The following CTNNA3 variants were observed in gnomAD, a reference collection of about 807,000 sequenced individuals.
CTNNA3 encodes catenin alpha 3, also known as catenin alpha-3.
In CTNNA3, 76 loss-of-function variants were observed where a neutral mutation model predicts 95.7. The observed-to-expected ratio is 0.79, with a 90% CI of 0.66 to 0.96. The LOEUF (loss-of-function observed/expected upper bound fraction) is 0.96, where lower values mean the gene tolerates loss of function less well. Among genes scored for constraint, CTNNA3 ranks in the 40% least tolerant of loss-of-function variants. The pLI is 0.00. For missense variants in CTNNA3, 1,191 were observed against 1,089.8 expected (o/e 1.09, Z -1.31); for synonymous variants, 431 against 374.4 (o/e 1.15, Z -1.74).
Position 66,322,053 on chromosome 10 carries a change from T to A in CTNNA3, c.1733-41432A>T, listed in dbSNP as rs78167916. On this transcript the variant is annotated intron_variant, in intron 12 of 17. Coordinates refer to ENST00000433211, the MANE Select transcript of CTNNA3 (RefSeq NM_013266.4). ...AATGACAGTGGCTGAGGTGAAGCTCTGCTGGTAGATAGGGCCCAGAACACA... is the reference window on the plus strand; with the variant it reads ...AATGACAGTGGCTGAGGTGAAGCTCAGCTGGTAGATAGGGCCCAGAACACA... Among the ~76,000 whole-genome samples, 803 of 152,270 alleles carry A rather than the reference T, an allele frequency of 5.3e-3. 6 individuals carry two copies. The highest frequency in any genetic ancestry group is 0.018 in the African/African-American group (765 of 41,556).
chr10:66,140,784 T>A (rs1291602381), intron 13 of CTNNA3, among the ~76,000 whole-genome samples: 1 of 152,246 alleles, frequency 6.6e-6, no homozygotes, highest in African/African-American at 2.4e-5. Flanking sequence ...ACAGAAGTAG[T>A]TCTGACTTTT....
chr10:66,814,391 G>T (rs1467248484), intron 7 of CTNNA3, among the ~76,000 whole-genome samples: 1 of 151,986 alleles, frequency 6.6e-6, no homozygotes, highest in Non-Finnish European at 1.5e-5. Flanking sequence ...TTCATTTAGG[G>T]GTCAAGCCTA....
chr10:66,611,886 C>T (rs1844341927), intron 10 of CTNNA3, among the ~76,000 whole-genome samples: 3 of 152,124 alleles, frequency 2.0e-5, no homozygotes, highest in Admixed American at 2.0e-4. Context: ...TTAGCAATCT[C>T]ATCCCACATT....
intron 3 of CTNNA3, among the ~76,000 whole-genome samples, chr10:67,605,114 A>G (rs1048827229): frequency 1.3e-5 from 2 of 152,148 alleles, no homozygotes; most frequent in African/African-American, 4.8e-5. Flanking sequence ...ATTATTCACA[A>G]TAGTCAAGAT....
chr10:67,726,415 A>AATATTATATATGACATTATAT (rs1564841102), intron 1 of CTNNA3, among the ~76,000 whole-genome samples: 1 of 58,972 alleles, frequency 1.7e-5, no homozygotes, highest in African/African-American at 1.2e-4. Context: ...TATCATATAT[A>AATATTATATATGACATTATAT]ATATTATATA....
chr10:66,294,913 A>G (rs929174817), intron 12 of CTNNA3, among the ~76,000 whole-genome samples: 1 of 148,740 alleles, frequency 6.7e-6, no homozygotes, highest in African/African-American at 2.5e-5. Flanking sequence ...AGAGAGAGAG[A>G]GGGATTTGGT....
intron 15 of CTNNA3, among the ~76,000 whole-genome samples, chr10:66,066,782 G>T (rs1187555025): frequency 6.6e-6 from 1 of 151,698 alleles, no homozygotes; most frequent in Non-Finnish European, 1.5e-5. Flanking sequence ...GAGTAAGTTT[G>T]GTATAAAACA....
intron 6 of CTNNA3, among the ~76,000 whole-genome samples, chr10:67,194,803 G>C (rs542892332): frequency 7.9e-5 from 12 of 151,952 alleles, no homozygotes; most frequent in African/African-American, 2.9e-4. Context: ...TGTAGGAGCA[G>C]GGGATCAGAA....
intron 10 of CTNNA3, among the ~76,000 whole-genome samples, chr10:66,544,035 A>C (rs1283354826): frequency 6.7e-6 from 1 of 149,320 alleles, no homozygotes; most frequent in Non-Finnish European, 1.5e-5. Context: ...TCCATTAGTA[A>C]TTTTATTTAC....
At chr10:67,726,228 CATTATAT>C (rs1385164860) in intron 1 of CTNNA3, among the ~76,000 whole-genome samples, 11 of 88,250 alleles carry the variant, frequency 1.2e-4, no homozygotes, top group East Asian at 3.8e-4. Flanking sequence ...ATACATCATA[CATTATAT>C]ATTATATATT....
intron 13 of CTNNA3, among the ~76,000 whole-genome samples, chr10:66,124,204 T>G (rs1207132443): frequency 6.6e-6 from 1 of 152,196 alleles, no homozygotes; most frequent in Non-Finnish European, 1.5e-5. Flanking sequence ...AAATTTCTTC[T>G]GCCAGATACC....
At chr10:67,719,213 G>A (rs1201135565) in intron 1 of CTNNA3, among the ~76,000 whole-genome samples, 1 of 150,004 alleles carries the variant, frequency 6.7e-6, no homozygotes, top group Non-Finnish European at 1.5e-5. Flanking sequence ...TATTAGTCTG[G>A]CTAGTGGTCT....
intron 7 of CTNNA3, among the ~76,000 whole-genome samples, chr10:66,857,191 T>C (rs1395740089): frequency 2.6e-5 from 4 of 152,136 alleles, no homozygotes; most frequent in African/African-American, 4.8e-5. Flanking sequence ...TTGTTCATTT[T>C]GTCAAAGATC....
intron 3 of CTNNA3, among the ~76,000 whole-genome samples, chr10:67,600,272 G>A (rs1365240698): frequency 3.3e-5 from 5 of 151,874 alleles, no homozygotes; most frequent in Non-Finnish European, 4.4e-5. Flanking sequence ...AGATAGTAAC[G>A]TAAGAAAATA....
intron 7 of CTNNA3, among the ~76,000 whole-genome samples, chr10:66,854,810 T>C (rs1045780673): frequency 1.3e-5 from 2 of 151,140 alleles, no homozygotes; most frequent in African/African-American, 2.4e-5. Context: ...TCTAGAGACA[T>C]AGCATGAGAA....
chr10:66,454,984 T>C (rs1190009658), intron 11 of CTNNA3, among the ~76,000 whole-genome samples: 1 of 152,162 alleles, frequency 6.6e-6, no homozygotes, highest in Non-Finnish European at 1.5e-5. Context: ...TTGGCATCAA[T>C]GAAATCTGTA....
intron 12 of CTNNA3, among the ~76,000 whole-genome samples, chr10:66,282,339 TGAC>T (rs2091507970): frequency 6.6e-6 from 1 of 151,822 alleles, no homozygotes; most frequent in South Asian, 2.1e-4. Flanking sequence ...TATATCCAAC[TGAC>T]AATGGCAAAA....
At chr10:66,784,548 C>G (rs1840663529) in intron 7 of CTNNA3, among the ~76,000 whole-genome samples, 1 of 152,032 alleles carries the variant, frequency 6.6e-6, no homozygotes, top group South Asian at 2.1e-4. Context: ...TTTTTTCTTC[C>G]ATTGCCAGAT....
chr10:66,780,860 T>C (rs1490348302), intron 7 of CTNNA3, among the ~76,000 whole-genome samples: 2 of 152,186 alleles, frequency 1.3e-5, no homozygotes, highest in Non-Finnish European at 2.9e-5. Context: ...ATAAAATGAA[T>C]ATTTGTCCTA....
Sources: allele counts gnomAD v4.1 joint callset (sites outside exome capture counted in the v4.1 genomes callset), GRCh38; gene constraint gnomAD v4.1.1; transcripts MANE v1.5; gene names NCBI Gene and HGNC (gene_info 2026-07-23, HGNC 2026-07-21).